The following POU2F2 variants were observed in gnomAD, a reference collection of about 807,000 sequenced individuals.
POU2F2 encodes the protein POU class 2 homeobox 2, also known as POU domain, class 2, transcription factor 2.
Under a neutral mutation model 63.5 loss-of-function variants are expected in POU2F2, and 14 were observed. The ratio of observed to expected loss-of-function variants is 0.22; its 90% CI spans 0.15 to 0.34. The LOEUF is 0.34. POU2F2 is among the 10% of genes least tolerant of loss of function. The pLI, the probability that POU2F2 is intolerant of heterozygous loss-of-function variation, is 1.00. For synonymous variants in POU2F2, 306 were observed against 348.6 expected, an observed-to-expected ratio of 0.88 and a Z score of 1.36; for missense variants, 607 against 815.2, an observed-to-expected ratio of 0.74 and a Z score of 3.11.
chr19:42,134,989 C>A (rs1255141924), upstream of POU2F2, among the ~76,000 whole-genome samples: 3 of 152,122 alleles, frequency 2.0e-5, no homozygotes, highest in East Asian at 3.9e-4. Context: ...GATTCTTCAC[C>A]CCTCAGGGCC....
At chr19:42,132,204 G>C (rs1275773066) in intron 1 of POU2F2, among the ~76,000 whole-genome samples, 180 bp downstream of exon 1, 9 of 152,222 alleles carry the variant, frequency 5.9e-5, no homozygotes, top group Non-Finnish European at 7.3e-5. Context: ...TGTGGAAAGA[G>C]AGGGCAAAGA....
In POU2F2 at chr19:42,119,634, C is replaced by T. The variant is rs145271154; in HGVS notation, c.187-2202G>A. Among the ~76,000 whole-genome samples, 1,197 of 152,232 alleles carry T rather than the reference C, an allele frequency of 7.9e-3. 16 individuals are homozygous for T. The highest frequency in any genetic ancestry group is 0.027 in the African/African-American group (1,139 of 41,542). Reference sequence around the variant, plus strand: ...GTGCAGTGAGCCAAGATGGTGCCATCGCACTCCAGCCTGGGCGACAGAGCG... The same window carrying T: ...GTGCAGTGAGCCAAGATGGTGCCATTGCACTCCAGCCTGGGCGACAGAGCG... On this transcript the variant is annotated intron_variant, in intron 4 of 14. Transcript: ENST00000692977.
rs999818350 is a variant in POU2F2 at position 42,153,978 on chromosome 19, C to G, written c.-9+6354G>C. Among the ~76,000 whole-genome samples the G allele has an allele frequency of 2.6e-5, 4 of 152,160 alleles. No homozygotes were observed. The highest frequency in any genetic ancestry group is 6.5e-5 in the Admixed American group (1 of 15,300). On this transcript the variant is annotated intron_variant, in intron 2 of 6. Coordinates refer to the POU2F2 transcript ENST00000524801. This position sits in a 1 kb window ranked among gnomAD's most constrained non-coding sequence, Gnocchi z 5.6. The stretch of plus-strand genomic sequence containing the variant: ...GCCAGGATGGGCCCAGGCCCCCGTC[C>G]CTCCCCCGGCACCTTGGGCAGGCTG...
rs956509374 is a variant in POU2F2 at position 42,088,133 on chromosome 19, G to A, written c.*3124C>T. ...GCCTTATCTCGAGTCCTCAGGGGAG[G>A]GGGGCCCAGGGGGAGACCTGGGGCT... On this transcript the variant is annotated 3_prime_UTR_variant, in exon 15 of 15. Coordinates refer to ENST00000692977, the MANE Select transcript of POU2F2 (RefSeq NM_001394376.1). 8 of 152,226 alleles carry A rather than the reference G, an allele frequency of 5.3e-5. No homozygotes were observed. Among genetic ancestry groups the A allele is most frequent in the African/African-American group, 1.9e-4 (8 of 41,452 alleles). 9.4% of individuals were successfully genotyped at this position (152,226 alleles called of 1,614,324 possible).
At chr19:42,195,611 C>A (rs2035134395) in intron 1 of POU2F2, among the ~76,000 whole-genome samples, 1 of 151,834 alleles carries the variant, frequency 6.6e-6, no homozygotes, top group Non-Finnish European at 1.5e-5. Context: ...GGATTACAGG[C>A]ATGAGCCACC....
At chr19:42,173,431 T>C (rs2034809604) in intron 1 of POU2F2, among the ~76,000 whole-genome samples, 2 of 151,958 alleles carry the variant, frequency 1.3e-5, no homozygotes, top group African/African-American at 4.8e-5. Context: ...GGTGCTAAGG[T>C]TGGGGCCCTT....
chr19:42,099,978 G>A (rs2051423991), intron 5 of POU2F2, among the ~76,000 whole-genome samples, 157 bp from the exon 6 acceptor site: 1 of 151,776 alleles, frequency 6.6e-6, no homozygotes, highest in African/African-American at 2.4e-5. Flanking sequence ...GTCTCTGAAT[G>A]GCATCCCTGA....
Position 42,091,599 on chromosome 19 carries a change from G to A in POU2F2, c.1541-8C>T. On this transcript the variant is annotated splice_region_variant and splice_polypyrimidine_tract_variant and intron_variant, in intron 14 of 14. Coordinates refer to ENST00000692977, the MANE Select transcript of POU2F2 (RefSeq NM_001394376.1). Reference sequence around the variant, plus strand: ...TTCCACCAGAGGCCAGGGCTGGCGGGGAGAGAGAGAGGCTGGGCTAAGGGC... The same window carrying A: ...TTCCACCAGAGGCCAGGGCTGGCGGAGAGAGAGAGAGGCTGGGCTAAGGGC... 1 of 1,544,240 alleles carries A rather than the reference G, an allele frequency of 6.5e-7. No individual in the cohort carries two copies. The highest frequency in any genetic ancestry group is 8.8e-7 in the Non-Finnish European group (1 of 1,142,214).
chr19:42,117,515 G>C lies in POU2F2; in HGVS notation c.187-83C>G. 1.5e-6 allele frequency: 1 copy of C among 665,328 alleles called. No homozygotes were observed. Among genetic ancestry groups the C allele is most frequent in the South Asian group, 1.8e-5 (1 of 54,860 alleles). The allele number at this position is 665,328 out of a possible 1,614,324, so 41.2% of individuals were successfully genotyped here. A position where few individuals can be genotyped will look rare whatever the true frequency, so the allele number is the denominator to read the frequency against. ...AGCAGACTGGGGTGTGGACATGAGG[G>C]TGCAGTCTGTGGTCCTGCACTGACC... On this transcript the variant is annotated intron_variant, in intron 4 of 14. Coordinates refer to ENST00000692977, the MANE Select transcript of POU2F2 (RefSeq NM_001394376.1). The surrounding 1 kb of genome is among the most constrained non-coding windows in gnomAD (Gnocchi z 4.4).
upstream of POU2F2, among the ~76,000 whole-genome samples, chr19:42,196,745 C>A (rs2035151702): frequency 6.6e-6 from 1 of 152,272 alleles, no homozygotes; most frequent in African/African-American, 2.4e-5. Flanking sequence ...CAAGGGAGCT[C>A]CACGGCGCAT....
At chr19:42,122,418 C>T (rs759039895) in intron 2 of POU2F2, 40 bp from the exon 3 acceptor site, 6 of 1,612,320 alleles carry the variant, frequency 3.7e-6, no homozygotes, top group African/African-American at 1.3e-5. Flanking sequence ...ATCAGCCACC[C>T]CCACCACACC....
chr19:42,190,288 T>G (rs985512322), intron 1 of POU2F2, among the ~76,000 whole-genome samples: 3 of 151,940 alleles, frequency 2.0e-5, no homozygotes, highest in Non-Finnish European at 4.4e-5. Context: ...TATATATATA[T>G]GTGTGTATAT....
At chr19:42,121,390 CT>C (rs1007160567) in intron 4 of POU2F2, among the ~76,000 whole-genome samples, 4 of 152,132 alleles carry the variant, frequency 2.6e-5, no homozygotes, top group Admixed American at 6.5e-5. Context: ...CCCCTCCCCC[CT>C]GACCAATGAT....
chr19:42,146,083 A>C (rs1042943493), intron 2 of POU2F2, among the ~76,000 whole-genome samples: 3 of 152,096 alleles, frequency 2.0e-5, no homozygotes, highest in Non-Finnish European at 2.9e-5. Context: ...TAGACAAGTT[A>C]AAGAGAAGCC....
Position 42,096,049 on chromosome 19 carries a change from G to A in POU2F2, c.729+33C>T, listed in dbSNP as rs1599943497. ...ATCTATCAACTGGCCACGCCCCCAC[G>A]CCCACCGCCCAGCCTGCAAGGTGCC... On this transcript the variant is annotated intron_variant, in intron 8 of 14. Coordinates refer to ENST00000692977, the MANE Select transcript of POU2F2 (RefSeq NM_001394376.1). This position sits in a 1 kb window ranked among gnomAD's most constrained non-coding sequence, Gnocchi z 4.1. 12 of 1,610,564 alleles carry A rather than the reference G, an allele frequency of 7.5e-6. No homozygotes were observed. The highest frequency in any genetic ancestry group is 1.0e-5 in the Non-Finnish European group (12 of 1,178,424).
At chr19:42,170,095 G>T (rs1599709124) in intron 1 of POU2F2, among the ~76,000 whole-genome samples, 1 of 151,980 alleles carries the variant, frequency 6.6e-6, no homozygotes, top group African/African-American at 2.4e-5. Context: ...AGGAGGGGTG[G>T]TCTGCACTGT....
chr19:42,131,958 G>A (rs1380806187), intron 1 of POU2F2, among the ~76,000 whole-genome samples: 2 of 151,900 alleles, frequency 1.3e-5, no homozygotes, highest in African/African-American at 2.4e-5. Flanking sequence ...ACATGCACAC[G>A]CACACCTGTA....
At chr19:42,123,238 C>T (rs550676793) in intron 1 of POU2F2, 1 of 152,558 alleles carries the variant, frequency 6.6e-6, no homozygotes, top group South Asian at 2.1e-4. Context: ...CTGGCTCTAC[C>T]CCTGAGCTTG....
At chr19:42,141,530 G>A (rs969158761) in intron 2 of POU2F2, among the ~76,000 whole-genome samples, 2 of 139,662 alleles carry the variant, frequency 1.4e-5, no homozygotes, top group African/African-American at 5.4e-5. Context: ...TGCCCAGGCT[G>A]GAGTGCAATG....
Sources: allele counts gnomAD v4.1 joint callset (sites outside exome capture counted in the v4.1 genomes callset), GRCh38; gene constraint gnomAD v4.1.1; non-coding constraint Gnocchi (gnomAD v3.1); transcripts MANE v1.5; gene names NCBI Gene and HGNC (gene_info 2026-07-23, HGNC 2026-07-21).